PRH1: variants seen among roughly 807,000 people sequenced by gnomAD.
PRH1 encodes proline rich protein HaeIII subfamily 1, also known as salivary acidic proline-rich phosphoprotein 1/2.
A neutral mutation model predicts 7.9 loss-of-function variants in PRH1; 7 were observed. That is an observed-to-expected ratio of 0.89 (90% CI 0.50 to 1.67). The LOEUF is 1.67. Ranked by LOEUF, PRH1 falls within the 40% of genes most tolerant of loss-of-function variation. The probability of loss-of-function intolerance (pLI) is 0.00; values close to 1 mark genes in which losing one functional copy is unlikely to be tolerated. For missense variants in PRH1, 109 were observed against 223.6 expected, an observed-to-expected ratio of 0.49 and a Z score of 3.27; for synonymous variants, 45 against 80.8, an observed-to-expected ratio of 0.56 and a Z score of 2.38.
chr12:11,020,151 C>CT (rs1941525161), intron 1 of PRH1, among the ~76,000 whole-genome samples: 1 of 152,222 alleles, frequency 6.6e-6, no homozygotes, highest in Admixed American at 6.5e-5. Flanking sequence ...AAAATTCAAG[C>CT]AACTGCAGAT....
At chr12:11,069,247 C>T (rs1943956993) in intron 1 of PRH1, among the ~76,000 whole-genome samples, 1 of 152,072 alleles carries the variant, frequency 6.6e-6, no homozygotes, top group Non-Finnish European at 1.5e-5. Context: ...GTAAATTTGA[C>T]ATTTGAAGGA....
At chr12:11,133,901 T>G in intron 1 of PRH1, 2 of 1,614,010 alleles carry the variant, frequency 1.2e-6, no homozygotes, top group South Asian at 2.2e-5. Context: ...AAAAATAAGG[T>G]TGGAGAAATT....
chr12:11,111,054 G>A (rs1455150238), intron 1 of PRH1, among the ~76,000 whole-genome samples: 1 of 152,188 alleles, frequency 6.6e-6, no homozygotes, highest in Non-Finnish European at 1.5e-5. Context: ...AAAAGACAAA[G>A]AGGAGAATTA....
At chr12:10,917,337 G>T (rs1211745856) in intron 2 of PRH1, among the ~76,000 whole-genome samples, 1 of 108,350 alleles carries the variant, frequency 9.2e-6, no homozygotes, top group African/African-American at 2.6e-5. Context: ...ATAATTAAGG[G>T]ATTAAATATT....
chr12:11,059,223 A>G (rs1943488916), intron 1 of PRH1, among the ~76,000 whole-genome samples: 1 of 151,786 alleles, frequency 6.6e-6, no homozygotes, highest in Non-Finnish European at 1.5e-5. Flanking sequence ...CCCTTCTGGA[A>G]AAGTGCTGGG....
chr12:11,116,298 A>C (rs971574429), downstream of PRH1, among the ~76,000 whole-genome samples: 2 of 152,076 alleles, frequency 1.3e-5, no homozygotes, highest in African/African-American at 4.8e-5. Flanking sequence ...AAAATGGAAA[A>C]ATTCCCAGGC....
intron 1 of PRH1, among the ~76,000 whole-genome samples, chr12:10,995,972 C>A (rs995604751): frequency 6.6e-6 from 1 of 151,942 alleles, no homozygotes; most frequent in African/African-American, 2.4e-5. Context: ...ATTTTTCACC[C>A]TTGAATTTTA....
chr12:10,941,590 T>A (rs1950402749), intron 2 of PRH1, among the ~76,000 whole-genome samples: 1 of 151,268 alleles, frequency 6.6e-6, no homozygotes, highest in Non-Finnish European at 1.5e-5. Flanking sequence ...TTATTTATTA[T>A]TAAAATTTAT....
rs189109290 is a variant in PRH1, at chr12:11,096,999, C to T, written n.124-49811G>A. 6.3e-3 allele frequency among the ~76,000 whole-genome samples: 722 copies of T among 114,446 alleles called. 173 individuals carry two copies. Among genetic ancestry groups the T allele is most frequent in the African/African-American group, 0.02 (686 of 34,080 alleles). 75.1% of individuals were successfully genotyped at this position (114,446 alleles called of 152,430 possible). A position where few individuals can be genotyped will look rare whatever the true frequency, so the allele number is the denominator to read the frequency against. On this transcript the variant is annotated intron_variant and non_coding_transcript_variant, in intron 1 of 4. Transcript: ENST00000541977. ...ATTTTTAGTAGAGACGGGGTTTCAC[C>T]GTGTTCCCCAGTATGGTCTGGATCT...
At chr12:11,160,256 TAA>T (rs1370798999) in intron 1 of PRH1, among the ~76,000 whole-genome samples, 1 of 152,196 alleles carries the variant, frequency 6.6e-6, no homozygotes, top group Non-Finnish European at 1.5e-5. Flanking sequence ...TTTATAGAAA[TAA>T]GTCCCTAAAA....
intron 1 of PRH1, among the ~76,000 whole-genome samples, chr12:11,060,378 G>GC: frequency 7.4e-6 from 1 of 134,828 alleles, no homozygotes; most frequent in Non-Finnish European, 1.7e-5. Context: ...TACATTGATA[G>GC]TTTTTTTTTA....
intron 1 of PRH1, among the ~76,000 whole-genome samples, chr12:11,069,208 C>A (rs1475991683): frequency 6.6e-6 from 1 of 151,452 alleles, no homozygotes; most frequent in Non-Finnish European, 1.5e-5. Flanking sequence ...TGAGCCACAG[C>A]ATCCAACCTG....
intron 2 of PRH1, among the ~76,000 whole-genome samples, chr12:10,945,459 C>G (rs1950472072): frequency 6.6e-6 from 1 of 152,054 alleles, no homozygotes; most frequent in African/African-American, 2.4e-5. Flanking sequence ...AGCCATAAAA[C>G]CAGCAAGTTC....
intron 2 of PRH1, among the ~76,000 whole-genome samples, chr12:10,941,037 C>A (rs1311874718): frequency 6.6e-6 from 1 of 152,124 alleles, no homozygotes; most frequent in Non-Finnish European, 1.5e-5. Context: ...ACGTACTATC[C>A]ACATAGAGAC....
chr12:11,137,822 A>C (rs1946597597), intron 1 of PRH1, among the ~76,000 whole-genome samples: 1 of 152,194 alleles, frequency 6.6e-6, no homozygotes, highest in Admixed American at 6.5e-5. Flanking sequence ...TAAATCATTT[A>C]ATGAGATAGA....
upstream of PRH1, chr12:10,884,289 A>G: frequency 6.2e-7 from 1 of 1,603,888 alleles, no homozygotes; most frequent in East Asian, 2.2e-5. Context: ...TATAAAGACA[A>G]GCAGGACAAT....
chr12:10,931,042 C>A, intron 2 of PRH1: 1 of 1,587,650 alleles, frequency 6.3e-7, no homozygotes, highest in East Asian at 2.2e-5. Context: ...AGGACCTCCA[C>A]AGGGGCAGTC....
chr12:10,992,167 C>G (rs1939965347), intron 1 of PRH1, among the ~76,000 whole-genome samples: 1 of 152,104 alleles, frequency 6.6e-6, no homozygotes, highest in Admixed American at 6.5e-5. Flanking sequence ...TACATGCCCT[C>G]GGTAAACAAC....
At chr12:11,167,027 T>C (rs539305675) in intron 1 of PRH1, among the ~76,000 whole-genome samples, 17 of 152,340 alleles carry the variant, frequency 1.1e-4, no homozygotes, top group South Asian at 2.1e-4. Flanking sequence ...CTAAATAATA[T>C]GGGATAATCT....
Sources: gnomAD v4.1 joint callset for allele counts (sites outside exome capture counted in the v4.1 genomes callset) on GRCh38, gnomAD v4.1.1 for gene constraint, MANE v1.5 for transcripts, NCBI Gene and HGNC (gene_info 2026-07-23, HGNC 2026-07-21) for gene names.